Variants in RPGR observed in about 807,000 individuals in gnomAD.
RPGR encodes X-linked retinitis pigmentosa GTPase regulator.
In RPGR, 10 loss-of-function variants were observed where a neutral mutation model predicts 56.3. The observed-to-expected ratio is 0.18, with a 90% CI of 0.11 to 0.30. The LOEUF (loss-of-function observed/expected upper bound fraction) is 0.30, where lower values mean the gene tolerates loss of function less well. Among genes scored for constraint, RPGR ranks in the 10% least tolerant of loss-of-function variants. The pLI is 1.00. For synonymous variants in RPGR, 197 were observed against 212.9 expected (o/e 0.93, Z 0.65); for missense variants, 538 against 590.9 (o/e 0.91, Z 0.93).
chrX:38,320,969 G>A (rs2067927797), intron 4 of RPGR, 58 bp downstream of exon 4: 2 of 895,149 alleles, frequency 2.2e-6, no homozygotes, highest in Non-Finnish European at 3.3e-6. Flanking sequence ...CCACGTTACT[G>A]GAATGAGACC....
intron 7 of RPGR, among the ~76,000 whole-genome samples, chrX:38,307,251 T>G (rs1298374373): frequency 8.9e-6 from 1 of 111,858 alleles, no homozygotes; most frequent in Non-Finnish European, 1.9e-5. Flanking sequence ...CCTCACTTAG[T>G]GTGTCCCAAG....
chrX:38,297,276 A>G lies in RPGR; in HGVS notation c.1414+8T>C, dbSNP rs1461588871. 8.3e-7 allele frequency: 1 copy of G among 1,206,939 alleles called. No individual in the cohort carries two copies. Among genetic ancestry groups the G allele is most frequent in the Non-Finnish European group, 1.1e-6 (1 of 893,351 alleles). ...TATCCTGAGAGCAGACAGAGTAGCA[A>G]ATGTTACCTGGTTCCTCTGGCTGCA... On this transcript the variant is annotated splice_region_variant and intron_variant, in intron 11 of 18. Transcript: ENST00000642395.
At chrX:38,290,050 G>A (rs934939779) in intron 13 of RPGR, among the ~76,000 whole-genome samples, 1 of 112,228 alleles carries the variant, frequency 8.9e-6, no homozygotes, top group Non-Finnish European at 1.9e-5. Context: ...TCAAAGGAAT[G>A]CTGTTATTCA....
At chrX:38,304,915 A>G (rs995393952) in intron 7 of RPGR, 125 bp from the exon 8 acceptor site, 1 of 563,269 alleles carries the variant, frequency 1.8e-6, no homozygotes, top group Admixed American at 3.1e-5. Flanking sequence ...GGAAAAAAAA[A>G]CATTTAAGAA....
At chrX:38,320,300 G>A (rs1395316846) in intron 4 of RPGR, among the ~76,000 whole-genome samples, 1 of 110,470 alleles carries the variant, frequency 9.1e-6, no homozygotes, top group Non-Finnish European at 1.9e-5. Flanking sequence ...CAGGGGCAGG[G>A]GGAAGGTGGT....
rs765049013 is a variant in RPGR at position 38,279,368 on chromosome X, C to A, written c.1906-2596G>T. On this transcript the variant is annotated intron_variant, in intron 15 of 18. Transcript: ENST00000642395. Reference sequence around the variant, plus strand: ...TGGGCCTGACCTCTCACAAAAGGACCCTTTGTTTCATTGGTCAGGCATGGC... The same window carrying A: ...TGGGCCTGACCTCTCACAAAAGGACACTTTGTTTCATTGGTCAGGCATGGC... Among the ~76,000 whole-genome samples, 215 of 111,911 alleles carry A rather than the reference C, an allele frequency of 1.9e-3. 1 individual carries two copies. The highest frequency in any genetic ancestry group is 6.4e-3 in the African/African-American group (198 of 30,804).
chrX:38,285,584 T>C (rs1170597457), intron 15 of RPGR: 2 of 1,211,714 alleles, frequency 1.7e-6, no homozygotes, highest in Non-Finnish European at 2.2e-6. Context: ...TTCCAGAACT[T>C]TTTGGAACCT....
intron 9 of RPGR, among the ~76,000 whole-genome samples, chrX:38,299,653 G>T (rs1410926063): frequency 9.1e-6 from 1 of 109,511 alleles, no homozygotes; most frequent in Non-Finnish European, 1.9e-5. Context: ...GCAAGTATGC[G>T]TGATTACTTG....
At chrX:38,304,495 G>C in intron 8 of RPGR, 140 bp downstream of exon 8, 1 of 481,771 alleles carries the variant, frequency 2.1e-6, no homozygotes, top group Admixed American at 3.9e-5. Flanking sequence ...TTTATACTTT[G>C]GAATAGTAAA....
Position 38,310,657 on chromosome X carries a change from T to C in RPGR, c.736A>G (p.Ile246Val). 8.3e-7 allele frequency: 1 copy of C among 1,211,519 alleles called. No homozygotes were observed. Among genetic ancestry groups the C allele is most frequent in the Non-Finnish European group, 1.1e-6 (1 of 895,393 alleles). Reference sequence around the variant, plus strand: ...TGCTCTCCACCACAGGCTACTTGGATCACCTTCTCCGGAATTTCAGACACC... The same window carrying C: ...TGCTCTCCACCACAGGCTACTTGGACCACCTTCTCCGGAATTTCAGACACC... The change falls in exon 7 of 19, where the codon ATC becomes GTC. Residue 246 changes from isoleucine to valine, a missense_variant. Coordinates refer to ENST00000642395, the MANE Select transcript of RPGR (RefSeq NM_000328.3).
chrX:38,298,366 C>T (rs1437061210), intron 10 of RPGR: 2 of 316,238 alleles, frequency 6.3e-6, no homozygotes, highest in Non-Finnish European at 1.2e-5. Flanking sequence ...AATATTTCCT[C>T]TCTCTAATTG....
At chrX:38,322,810 A>C in intron 3 of RPGR, 43 bp downstream of exon 3, 3 of 1,043,906 alleles carry the variant, frequency 2.9e-6, no homozygotes, top group Non-Finnish European at 4.0e-6. Flanking sequence ...GTCAACATAA[A>C]AATACTTTAT....
Position 38,327,257 on chromosome X carries a change from T to A in RPGR, c.28+83A>T, listed in dbSNP as rs964732408. ...CTGCCAAGCCTGGGGCCTGTCCCCC[T>A]ACAGGGCCGATCCGGAGGCGGGGCC... On this transcript the variant is annotated intron_variant, in intron 1 of 18. Transcript: ENST00000642395. 3.2e-5 allele frequency: 33 copies of A among 1,028,756 alleles called. No individual in the cohort carries two copies. In the African/African-American group the frequency reaches 5.6e-4, roughly 18 times the overall value. 84.8% of individuals were successfully genotyped at this position (1,028,756 alleles called of 1,213,427 possible). A position where few individuals can be genotyped will look rare whatever the true frequency, so the allele number is the denominator to read the frequency against.
At chrX:38,291,324 CACACA>C in intron 12 of RPGR, 64 bp downstream of exon 12, 1 of 647,008 alleles carries the variant, frequency 1.5e-6, no homozygotes, top group Non-Finnish European at 2.5e-6. Flanking sequence ...AGGAAGTATA[CACACA>C]TTCACATACA....
intron 11 of RPGR, among the ~76,000 whole-genome samples, chrX:38,294,761 C>T (rs753152270): frequency 1.8e-5 from 2 of 112,546 alleles, no homozygotes; most frequent in East Asian, 2.8e-4. Flanking sequence ...TTAATTCACA[C>T]GTATGTGTGG....
rs1017370260 is a variant in RPGR at position 38,290,770 on chromosome X, G to A, written c.1572+189C>T. Among the ~76,000 whole-genome samples the A allele has an allele frequency of 1.6e-4, 18 of 110,988 alleles. 1 individual carries two copies. The highest frequency in any genetic ancestry group is 5.9e-4 in the African/African-American group (18 of 30,719). ...TCAGCAATAAAATGCTTCCACTCTT[G>A]TTTCTTTACAGAAAATACATACCAT... On this transcript the variant is annotated intron_variant, in intron 13 of 18. Transcript: ENST00000642395.
At chrX:38,296,830 A>G (rs1386592688) in intron 11 of RPGR, among the ~76,000 whole-genome samples, 3 of 112,060 alleles carry the variant, frequency 2.7e-5, no homozygotes, top group African/African-American at 9.7e-5. Context: ...CTTAACCGCT[A>G]TGTTATACTG....
At chrX:38,323,168 A>T (rs2067980886) in intron 2 of RPGR, among the ~76,000 whole-genome samples, 1 of 112,169 alleles carries the variant, frequency 8.9e-6, no homozygotes, top group Non-Finnish European at 1.9e-5. Context: ...ATTGAAATAG[A>T]TTCATTCCAA....
chrX:38,314,427 A>G (rs1054377698), intron 6 of RPGR, among the ~76,000 whole-genome samples: 2 of 111,735 alleles, frequency 1.8e-5, no homozygotes, highest in African/African-American at 6.5e-5. Context: ...TACCTTCCCC[A>G]GGATTCTGAT....
Sources: allele counts gnomAD v4.1 joint callset (sites outside exome capture counted in the v4.1 genomes callset), GRCh38; gene constraint gnomAD v4.1.1; transcripts MANE v1.5; gene names NCBI Gene and HGNC (gene_info 2026-07-23, HGNC 2026-07-21).